Variants in ADGRE2 observed in about 807,000 individuals in gnomAD.
The protein encoded by ADGRE2 is CD97 antigen.
ADGRE2 carries 83 observed loss-of-function variants against 100.8 expected under a neutral mutation model. The observed-to-expected ratio is 0.82, with a 90% CI of 0.69 to 0.99. The LOEUF (loss-of-function observed/expected upper bound fraction) is 0.99. ADGRE2 is among the 50% of genes least tolerant of loss of function. ADGRE2 has a pLI of 0.00. For missense variants in ADGRE2, 814 were observed against 1,035.7 expected (o/e 0.79, Z 2.94); for synonymous variants, 355 against 413.0 (o/e 0.86, Z 1.70).
chr19:14,772,011 A>C lies in ADGRE2; in HGVS notation c.355+331T>G, dbSNP rs118132759. On this transcript the variant is annotated intron_variant, in intron 5 of 20. Transcript: ENST00000315576. ...CTATTCTTTCCTTGGTCCTCCTAGA[A>C]GGCATAGGAGTAGGCCATTATTATC... 991 of 335,262 alleles carry C rather than the reference A, an allele frequency of 3.0e-3. 2 individuals are homozygous for C. The highest frequency in any genetic ancestry group is 7.5e-3 in the Middle Eastern group (8 of 1,070). 20.8% of individuals were successfully genotyped at this position (335,262 alleles called of 1,614,324 possible).
intron 20 of ADGRE2, among the ~76,000 whole-genome samples, chr19:14,739,069 G>A (rs527630310): frequency 2.0e-5 from 3 of 149,536 alleles, no homozygotes; most frequent in African/African-American, 2.5e-5. Context: ...TCCTGGGTTC[G>A]AGTGATTCTT....
rs112610420 is a variant in ADGRE2, at chr19:14,765,351, T to G, written c.875A>C (p.Tyr292Ser). The G allele has an allele frequency of 7.0e-4, 1,121 of 1,606,682 alleles. 4 individuals are homozygous for G. Among genetic ancestry groups the G allele is most frequent in the African/African-American group, 6.9e-3 (505 of 73,312 alleles). The change falls in exon 10 of 21, where the codon TAC becomes TCC. Residue 292 changes from tyrosine to serine, a missense_variant. Physicochemically the swap from Tyr to Ser is moderately radical, Grantham distance 144. Coordinates refer to ENST00000315576, the MANE Select transcript of ADGRE2 (RefSeq NM_013447.4). ...FDKVQDLGRD[Y>S]KPGLANNTIQ... The stretch of plus-strand genomic sequence containing the variant: ...GGTGTTATTGGCCAAGCCTGGCTTG[T>G]AGTCTCTGCCCAGGTCCTGGACTTT...
chr19:14,730,345 G>A (rs544018922), downstream of ADGRE2, among the ~76,000 whole-genome samples: 17 of 148,194 alleles, frequency 1.1e-4, no homozygotes, highest in African/African-American at 3.7e-4. Context: ...GTGAACCACC[G>A]TGCCCGGCCA....
intron 17 of ADGRE2, among the ~76,000 whole-genome samples, 153 bp from the exon 18 acceptor site, chr19:14,746,476 G>A (rs1446027026): frequency 2.0e-5 from 3 of 151,302 alleles, no homozygotes; most frequent in Non-Finnish European, 2.9e-5. Flanking sequence ...GGGTTCGAGC[G>A]ATTCTCCTGT....
chr19:14,776,434 G>A, intron 2 of ADGRE2: 1 of 409,922 alleles, frequency 2.4e-6, no homozygotes, highest in South Asian at 2.7e-5. Context: ...CCGTGCCTCA[G>A]TTTCCCCTCT....
At position 14,770,669 on chromosome 19, in the gene ADGRE2, C is replaced by CTTTTCTTTTTCTTTTT. The variant is rs1380079488; in HGVS notation, c.355+1672_355+1673insAAAAAGAAAAAGAAAA. On this transcript the variant is annotated intron_variant, in intron 5 of 20. Transcript: ENST00000315576. ...CTTTTTCTTTTTGTTTCTTTCTTTT[C>CTTTTCTTTTTCTTTTT]TTTTTTTTTTTTTTTTTTTTTTTTT... Among the ~76,000 whole-genome samples, 12 of 85,012 alleles carry CTTTTCTTTTTCTTTTT rather than the reference C, an allele frequency of 1.4e-4. 1 individual carries two copies. Among genetic ancestry groups the CTTTTCTTTTTCTTTTT allele is most frequent in the Non-Finnish European group, 1.8e-4 (8 of 43,566 alleles). 55.8% of individuals were successfully genotyped at this position (85,012 alleles called of 152,430 possible).
intron 20 of ADGRE2, among the ~76,000 whole-genome samples, 181 bp from the exon 21 acceptor site, chr19:14,736,425 C>A (rs1299170957): frequency 1.3e-5 from 2 of 151,934 alleles, no homozygotes; most frequent in Admixed American, 6.6e-5. Flanking sequence ...CCACACCCGG[C>A]TAATTTTGTA....
chr19:14,762,454 A>C (rs938290562), intron 11 of ADGRE2, among the ~76,000 whole-genome samples: 2 of 152,088 alleles, frequency 1.3e-5, no homozygotes, highest in Non-Finnish European at 2.9e-5. Context: ...GGAAACAGAA[A>C]GCAGATTAGC....
At chr19:14,743,922 C>G in intron 18 of ADGRE2, 138 bp from the exon 19 acceptor site, 1 of 821,982 alleles carries the variant, frequency 1.2e-6, no homozygotes, top group Non-Finnish European at 1.9e-6. Flanking sequence ...TAGATATTTA[C>G]TGTCAACTAT....
downstream of ADGRE2, chr19:14,731,110 C>T (rs893236447): frequency 2.3e-5 from 32 of 1,391,568 alleles, no homozygotes; most frequent in Non-Finnish European, 3.0e-5. Context: ...CAAGGATTGG[C>T]CCCTTTATTC....
intron 16 of ADGRE2, among the ~76,000 whole-genome samples, chr19:14,750,786 A>G (rs1339743787): frequency 6.6e-6 from 1 of 152,144 alleles, no homozygotes; most frequent in Non-Finnish European, 1.5e-5. Flanking sequence ...TATTTCAGTG[A>G]GACAGATTTA....
intron 5 of ADGRE2, among the ~76,000 whole-genome samples, chr19:14,771,254 C>CT (rs910505369): frequency 1.3e-5 from 2 of 152,188 alleles, no homozygotes; most frequent in Non-Finnish European, 2.9e-5. Context: ...GCTGAACCCC[C>CT]TTAATGTCCC....
chr19:14,756,415 G>T, intron 11 of ADGRE2, 70 bp from the exon 12 acceptor site: 1 of 933,144 alleles, frequency 1.1e-6, no homozygotes, highest in Non-Finnish European at 1.8e-6. Flanking sequence ...GATATACTAT[G>T]ACTTAATATA....
chr19:14,758,932 A>G (rs1489832958), intron 11 of ADGRE2, among the ~76,000 whole-genome samples: 2 of 150,836 alleles, frequency 1.3e-5, no homozygotes, highest in Non-Finnish European at 2.9e-5. Flanking sequence ...CTGCAGAGAG[A>G]CAGGGGCTCC....
Position 14,752,503 on chromosome 19 carries a change from G to A in ADGRE2, c.1614C>T (p.Val538=). ...DVQEEDPVLT[V]ITYMGLSVSL... is the part of the protein sequence containing the mutation. ...AGACGCTCAGCCCCATGTAGGTGAT[G>A]ACAGTCAGCACGGGATCCTCCTCCT... Residue 538 remains valine, a synonymous_variant, in exon 15 of 21, where the codon GTC becomes GTT. Transcript: ENST00000315576. 6.2e-7 allele frequency: 1 copy of A among 1,614,178 alleles called. No homozygotes were observed. Among genetic ancestry groups the A allele is most frequent in the Non-Finnish European group, 8.5e-7 (1 of 1,180,024 alleles).
At chr19:14,741,091 G>GTTTTTT (rs71333309) in intron 20 of ADGRE2, among the ~76,000 whole-genome samples, 10 of 116,676 alleles carry the variant, frequency 8.6e-5, no homozygotes, top group African/African-American at 3.1e-4. Flanking sequence ...TGAATAGGCT[G>GTTTTTT]TTTTTTTTTT....
At chr19:14,747,547 T>C (rs553787368) in intron 16 of ADGRE2, among the ~76,000 whole-genome samples, 4 of 151,514 alleles carry the variant, frequency 2.6e-5, no homozygotes, top group Non-Finnish European at 4.4e-5. Context: ...GGTTCACACC[T>C]GTAATCCCAG....
intron 17 of ADGRE2, 67 bp from the exon 18 acceptor site, chr19:14,746,390 T>TTTTTTC (rs59231835): frequency 9.5e-6 from 8 of 846,054 alleles, no homozygotes; most frequent in African/African-American, 8.8e-5. Context: ...TTTTTTTTTT[T>TTTTTTC]CAGACAGGGT....
intron 16 of ADGRE2, among the ~76,000 whole-genome samples, chr19:14,750,421 GA>G (rs576182373): frequency 6.6e-6 from 1 of 152,026 alleles, no homozygotes; most frequent in East Asian, 1.9e-4. Context: ...TCTTTAACCT[GA>G]AAAAGGGTAT....
Sources: allele counts gnomAD v4.1 joint callset (sites outside exome capture counted in the v4.1 genomes callset), GRCh38; gene constraint gnomAD v4.1.1; transcripts MANE v1.5; gene names NCBI Gene and HGNC (gene_info 2026-07-23, HGNC 2026-07-21).